ZDHHC21: variants seen among roughly 807,000 people sequenced by gnomAD.
The protein encoded by ZDHHC21 is zDHHC palmitoyltransferase 21.
ZDHHC21 carries 15 observed loss-of-function variants against 34.6 expected under a neutral mutation model. The observed-to-expected ratio is 0.43, with a 90% confidence interval of 0.29 to 0.67. The LOEUF is 0.67. ZDHHC21 is among the 30% of genes least tolerant of loss of function. The pLI, the probability that ZDHHC21 is intolerant of heterozygous loss-of-function variation, is 0.14. For synonymous variants in ZDHHC21, 142 were observed against 101.8 expected, an observed-to-expected ratio of 1.40 and a Z score of -2.38; for missense variants, 344 against 327.7, an observed-to-expected ratio of 1.05 and a Z score of -0.38.
At chr9:14,671,960 G>C (rs1405291105) in intron 5 of ZDHHC21, among the ~76,000 whole-genome samples, 1 of 152,040 alleles carries the variant, frequency 6.6e-6, no homozygotes, top group Non-Finnish European at 1.5e-5. Context: ...AAACAAACAT[G>C]TAACTATTTC....
At chr9:14,655,378 G>A (rs1832018446) in intron 7 of ZDHHC21, among the ~76,000 whole-genome samples, 1 of 151,832 alleles carries the variant, frequency 6.6e-6, no homozygotes, top group African/African-American at 2.4e-5. Context: ...GGAGGCTCAG[G>A]TATAAAGAGT....
At chr9:14,602,683 T>G in the ZDHHC21 span, among the ~76,000 whole-genome samples, 1 of 152,080 alleles carries the variant, frequency 6.6e-6, no homozygotes, top group Non-Finnish European at 1.5e-5. Flanking sequence ...GGGATGACAT[T>G]TTTAAATTGC....
At chr9:14,591,857 T>C in the ZDHHC21 span, among the ~76,000 whole-genome samples, 1 of 152,184 alleles carries the variant, frequency 6.6e-6, no homozygotes, top group South Asian at 2.1e-4. Context: ...TTTTGCCTGA[T>C]ACCAAGGTAG....
chr9:14,676,896 T>C (rs1337422699), intron 3 of ZDHHC21, among the ~76,000 whole-genome samples: 1 of 152,050 alleles, frequency 6.6e-6, no homozygotes, highest in Non-Finnish European at 1.5e-5. Context: ...TAATTTTATG[T>C]ACCTTTCTTT....
intron 2 of ZDHHC21, among the ~76,000 whole-genome samples, chr9:14,684,045 C>T (rs1046542359): frequency 3.9e-5 from 6 of 152,242 alleles, no homozygotes; most frequent in East Asian, 1.9e-4. Flanking sequence ...ATTGAAGGGA[C>T]GTACCTCAAA....
At chr9:14,598,462 A>G in the ZDHHC21 span, among the ~76,000 whole-genome samples, 1 of 152,328 alleles carries the variant, frequency 6.6e-6, no homozygotes, top group African/African-American at 2.4e-5. Context: ...GTATTTCCCT[A>G]TGAAAGCCAA....
intron 2 of ZDHHC21, among the ~76,000 whole-genome samples, chr9:14,684,598 A>C (rs915404094): frequency 6.6e-6 from 1 of 151,882 alleles, no homozygotes; most frequent in Admixed American, 6.6e-5. Context: ...GGGTAGGAAG[A>C]ATCAATATCA....
At chr9:14,626,706 C>T (rs1464324491) in intron 8 of ZDHHC21, among the ~76,000 whole-genome samples, 1 of 151,490 alleles carries the variant, frequency 6.6e-6, no homozygotes, top group African/African-American at 2.4e-5. Flanking sequence ...TAAGCAAATG[C>T]CCTTGGCAAG....
At chr9:14,652,421 A>G (rs954998081) in intron 7 of ZDHHC21, among the ~76,000 whole-genome samples, 7 of 152,002 alleles carry the variant, frequency 4.6e-5, no homozygotes, top group African/African-American at 1.7e-4. Context: ...CTTCCTCAAC[A>G]AAAGATAAAT....
chr9:14,607,693 T>C (rs191654514), downstream of ZDHHC21, among the ~76,000 whole-genome samples: 186 of 152,160 alleles, frequency 1.2e-3, no homozygotes, highest in Non-Finnish European at 5.3e-4. Context: ...TAAAAACTGA[T>C]CAATTTTTCA....
chr9:14,645,868 C>A (rs1830200752), intron 7 of ZDHHC21, among the ~76,000 whole-genome samples: 1 of 152,130 alleles, frequency 6.6e-6, no homozygotes, highest in Non-Finnish European at 1.5e-5. Context: ...CAATGAAGTA[C>A]TGCTCATACA....
chr9:14,686,059 G>T (rs1838264870), intron 2 of ZDHHC21, among the ~76,000 whole-genome samples: 1 of 151,764 alleles, frequency 6.6e-6, no homozygotes, highest in African/African-American at 2.4e-5. Flanking sequence ...CTGTCGTGGG[G>T]TGGGGGAGGG....
At chr9:14,650,909 G>A (rs1430183892) in intron 7 of ZDHHC21, among the ~76,000 whole-genome samples, 1 of 151,610 alleles carries the variant, frequency 6.6e-6, no homozygotes, top group Non-Finnish European at 1.5e-5. Context: ...AGCCTTAAAC[G>A]CAGTTAGTAT....
chr9:14,640,308 G>GA (rs1184446076), intron 7 of ZDHHC21, among the ~76,000 whole-genome samples: 52 of 128,384 alleles, frequency 4.1e-4, no homozygotes, highest in African/African-American at 8.3e-4. Context: ...CTATTTTGGG[G>GA]AAAAAAAAAA....
chr9:14,640,226 A>T (rs1829081612), intron 7 of ZDHHC21, among the ~76,000 whole-genome samples: 1 of 151,242 alleles, frequency 6.6e-6, no homozygotes, highest in African/African-American at 2.4e-5. Context: ...TGGAAAATAC[A>T]GGAGTTTACT....
intron 8 of ZDHHC21, among the ~76,000 whole-genome samples, chr9:14,626,811 G>C (rs1470297845): frequency 2.0e-5 from 3 of 151,854 alleles, no homozygotes; most frequent in African/African-American, 7.3e-5. Context: ...TATTTAAAAA[G>C]AAGGGACACT....
chr9:14,651,769 T>G lies in ZDHHC21; in HGVS notation c.504+6980A>C, dbSNP rs548541847. Among the ~76,000 whole-genome samples, 189 of 152,046 alleles carry G rather than the reference T, an allele frequency of 1.2e-3. 3 individuals are homozygous for G. The highest frequency in any genetic ancestry group is 4.2e-3 in the African/African-American group (176 of 41,534). The stretch of plus-strand genomic sequence containing the variant: ...GTATCCAATAAAATGAAATAGAGTT[T>G]CATAATATACCAAATGACTAGGCAT... On this transcript the variant is annotated intron_variant, in intron 7 of 9. Coordinates refer to ENST00000380916, the MANE Select transcript of ZDHHC21 (RefSeq NM_178566.6).
intron 8 of ZDHHC21, among the ~76,000 whole-genome samples, chr9:14,638,761 G>A (rs181890858): frequency 1.3e-5 from 2 of 151,960 alleles, no homozygotes; most frequent in Admixed American, 1.3e-4. Flanking sequence ...ACAGGTATAT[G>A]AAAAGTACCA....
At chr9:14,655,373 C>A (rs1482862572) in intron 7 of ZDHHC21, among the ~76,000 whole-genome samples, 2 of 151,850 alleles carry the variant, frequency 1.3e-5, no homozygotes, top group East Asian at 3.9e-4. Flanking sequence ...CTAGAGGAGG[C>A]TCAGGTATAA....
Sources: gnomAD v4.1 joint callset for allele counts (sites outside exome capture counted in the v4.1 genomes callset) on GRCh38, gnomAD v4.1.1 for gene constraint, MANE v1.5 for transcripts, NCBI Gene and HGNC (gene_info 2026-07-23, HGNC 2026-07-21) for gene names.